Variants in PDE3B observed in about 807,000 individuals in gnomAD.
PDE3B encodes cGMP-inhibited 3',5'-cyclic phosphodiesterase 3B.
PDE3B carries 66 observed loss-of-function variants against 116.8 expected under a neutral mutation model. The observed-to-expected ratio is 0.56, with a 90% CI of 0.46 to 0.69. The LOEUF is 0.69. Among genes scored for constraint, PDE3B ranks in the 30% least tolerant of loss-of-function variants. PDE3B has a pLI of 0.00. For missense variants in PDE3B, 1,384 were observed against 1,368.1 expected (o/e 1.01, Z -0.18); for synonymous variants, 595 against 533.6 (o/e 1.12, Z -1.59).
Position 14,644,186 on chromosome 11 carries a change from C to A in PDE3B, c.111C>A (p.Ser37Arg). Reference sequence around the variant, plus strand: ...ACGGCTACGTGAAGAGCTGCGTGAGCCCCTTGCGGCAGGACCCTCCGCGCG... The same window carrying A: ...ACGGCTACGTGAAGAGCTGCGTGAGACCCTTGCGGCAGGACCCTCCGCGCG... ...LRNGYVKSCV[S>R]PLRQDPPRGF... The change falls in exon 1 of 16, where the codon AGC becomes AGA. Residue 37 changes from serine (S) to arginine (R), a missense_variant. Ser to Arg is a moderately radical substitution (Grantham distance 110). Transcript: ENST00000282096. 1 of 1,597,372 alleles carries A rather than the reference C, an allele frequency of 6.3e-7. No homozygotes were observed. The highest frequency in any genetic ancestry group is 1.3e-5 in the African/African-American group (1 of 74,272).
At chr11:14,812,883 T>A (rs1395659383) in intron 5 of PDE3B, among the ~76,000 whole-genome samples, 1 of 152,190 alleles carries the variant, frequency 6.6e-6, no homozygotes, top group African/African-American at 2.4e-5. Flanking sequence ...TGATGGTATT[T>A]GGAGCTGGGG....
intron 1 of PDE3B, among the ~76,000 whole-genome samples, chr11:14,694,668 G>A (rs188165449): frequency 1.5e-4 from 23 of 152,188 alleles, no homozygotes; most frequent in Non-Finnish European, 2.9e-4. Context: ...TTTATGCACT[G>A]GGAAACCAAA....
chr11:14,782,591 C>T (rs529776715), intron 2 of PDE3B, among the ~76,000 whole-genome samples: 1 of 152,166 alleles, frequency 6.6e-6, no homozygotes, highest in Non-Finnish European at 1.5e-5. Context: ...CTTACTTACA[C>T]CTTATACAAA....
intron 8 of PDE3B, 29 bp downstream of exon 8, chr11:14,830,875 G>A: frequency 1.4e-6 from 2 of 1,433,178 alleles, no homozygotes; most frequent in South Asian, 1.6e-5. Flanking sequence ...ATATGATTAT[G>A]TTAAGGTGAA....
the PDE3B span, among the ~76,000 whole-genome samples, chr11:14,888,187 C>G: frequency 1.3e-5 from 2 of 152,146 alleles, no homozygotes; most frequent in African/African-American, 4.8e-5. Flanking sequence ...CTACTCTGTA[C>G]TCTTTGAATA....
chr11:14,792,279 A>T (rs1336351737), intron 4 of PDE3B, among the ~76,000 whole-genome samples: 1 of 152,174 alleles, frequency 6.6e-6, no homozygotes, highest in Non-Finnish European at 1.5e-5. Context: ...GTAGGCATGT[A>T]ACTTGTTTAA....
At chr11:14,823,172 G>A (rs1300079479) in intron 7 of PDE3B, among the ~76,000 whole-genome samples, 2 of 152,190 alleles carry the variant, frequency 1.3e-5, no homozygotes, top group African/African-American at 2.4e-5. Flanking sequence ...AGCCATTGTT[G>A]CCTTCTGGCT....
intron 1 of PDE3B, among the ~76,000 whole-genome samples, chr11:14,721,330 T>C (rs1856069386): frequency 6.6e-6 from 1 of 152,012 alleles, no homozygotes; most frequent in Admixed American, 6.5e-5. Context: ...TTGGTGGGAC[T>C]GTAAACTAGT....
At chr11:14,827,353 C>A (rs1859728668) in intron 7 of PDE3B, among the ~76,000 whole-genome samples, 1 of 152,032 alleles carries the variant, frequency 6.6e-6, no homozygotes, top group African/African-American at 2.4e-5. Flanking sequence ...AAAGGGCATC[C>A]AAATAGGAAG....
rs1858699308 is a variant in PDE3B, at chr11:14,800,046, T to C, written c.1416-3898T>C. Reference sequence around the variant, plus strand: ...TGTTGATGGTCTTTACAATTTGGTATGTTTTTGCAGTGGCTGGTACTGGTT... The same window carrying C: ...TGTTGATGGTCTTTACAATTTGGTACGTTTTTGCAGTGGCTGGTACTGGTT... On this transcript the variant is annotated intron_variant, in intron 4 of 15. Transcript: ENST00000282096. Among the ~76,000 whole-genome samples, 4 of 152,330 alleles carry C rather than the reference T, an allele frequency of 2.6e-5. No homozygotes were observed. The South Asian group carries it at 8.3e-4, about 32-fold the overall frequency.
intron 1 of PDE3B, among the ~76,000 whole-genome samples, chr11:14,696,283 T>C (rs1338878963): frequency 6.6e-6 from 1 of 152,214 alleles, no homozygotes; most frequent in Non-Finnish European, 1.5e-5. Context: ...GTTTTTCGTA[T>C]GTCTGTTGGC....
intron 1 of PDE3B, among the ~76,000 whole-genome samples, chr11:14,750,665 T>C (rs527698838): frequency 6.6e-6 from 1 of 152,254 alleles, no homozygotes; most frequent in South Asian, 2.1e-4. Context: ...TTTTATGCTT[T>C]TAAGAATATT....
At chr11:14,888,139 A>G in the PDE3B span, among the ~76,000 whole-genome samples, 1,145 of 152,274 alleles carry the variant, frequency 7.5e-3, 9 homozygotes, top group Non-Finnish European at 0.013. Flanking sequence ...CTGACCCACT[A>G]ACATTCTCCA....
At chr11:14,776,662 AT>A (rs1857795995) in intron 2 of PDE3B, 1 of 150,558 alleles carries the variant, frequency 6.6e-6, no homozygotes, top group Non-Finnish European at 1.5e-5. Flanking sequence ...AATAGTAATA[AT>A]AAAAAAAAAA....
chr11:14,794,285 G>A (rs1173295594), intron 4 of PDE3B, among the ~76,000 whole-genome samples: 2 of 151,700 alleles, frequency 1.3e-5, no homozygotes, highest in African/African-American at 4.8e-5. Flanking sequence ...ACATAAGCTA[G>A]GTGTCCTATA....
At chr11:14,874,954 G>A (rs548921854), downstream of PDE3B, among the ~76,000 whole-genome samples, 2 of 152,192 alleles carry the variant, frequency 1.3e-5, no homozygotes, top group South Asian at 2.1e-4. Context: ...AGAACTTACC[G>A]TTCAAAATCA....
chr11:14,704,540 T>A (rs1201849063), intron 1 of PDE3B, among the ~76,000 whole-genome samples: 2 of 151,720 alleles, frequency 1.3e-5, no homozygotes, highest in Non-Finnish European at 3.0e-5. Flanking sequence ...ATTTTGAGAT[T>A]TACTTAAAGA....
Position 14,863,244 on chromosome 11 carries a change from G to A in PDE3B, c.2886+1878G>A, listed in dbSNP as rs11828362. Among the ~76,000 whole-genome samples the A allele has an allele frequency of 8.0e-3, 1,225 of 152,220 alleles. 17 individuals are homozygous for A. Among genetic ancestry groups the A allele is most frequent in the African/African-American group, 0.028 (1,166 of 41,520 alleles). On this transcript the variant is annotated intron_variant, in intron 14 of 15. Coordinates refer to ENST00000282096, the MANE Select transcript of PDE3B (RefSeq NM_000922.4). ...TTTTATAACTGCATAGTATTCCATG[G>A]TATATATGTGCCACATTTTCTTTAT...
At chr11:14,738,077 A>G (rs529376521) in intron 1 of PDE3B, among the ~76,000 whole-genome samples, 121 of 152,280 alleles carry the variant, frequency 7.9e-4, no homozygotes, top group African/African-American at 2.7e-3. Flanking sequence ...CACAATAAAC[A>G]TACGTGTGCA....
Sources: gnomAD v4.1 joint callset for allele counts (sites outside exome capture counted in the v4.1 genomes callset) on GRCh38, gnomAD v4.1.1 for gene constraint, MANE v1.5 for transcripts, NCBI Gene and HGNC (gene_info 2026-07-23, HGNC 2026-07-21) for gene names.